The following WASF3 variants were observed in gnomAD, a reference collection of about 807,000 sequenced individuals.
WASF3 encodes WASP family member 3.
WASF3 carries 11 observed loss-of-function variants against 46.6 expected under a neutral mutation model. The ratio of observed to expected loss-of-function variants is 0.24; its 90% confidence interval spans 0.15 to 0.39. WASF3 has a LOEUF of 0.39. Among genes scored for constraint, WASF3 ranks in the 10% least tolerant of loss-of-function variants. The probability of loss-of-function intolerance (pLI) is 1.00; values close to 1 mark genes in which losing one functional copy is unlikely to be tolerated. For missense variants in WASF3, 576 were observed against 669.8 expected, an observed-to-expected ratio of 0.86 and a Z score of 1.55; for synonymous variants, 242 against 259.7, an observed-to-expected ratio of 0.93 and a Z score of 0.65.
At chr13:26,553,790 C>T (rs1248684372), upstream of WASF3, among the ~76,000 whole-genome samples, 1 of 149,398 alleles carries the variant, frequency 6.7e-6, no homozygotes, top group African/African-American at 2.5e-5. Context: ...GCACTCCAGC[C>T]TGGGCGACAG....
intron 4 of WASF3, among the ~76,000 whole-genome samples, chr13:26,666,202 G>A (rs907144519): frequency 6.6e-6 from 1 of 152,124 alleles, no homozygotes; most frequent in Non-Finnish European, 1.5e-5. Flanking sequence ...ATAAGTATTA[G>A]TTGGTCTGTT....
At chr13:26,565,828 C>T (rs188405560) in intron 1 of WASF3, among the ~76,000 whole-genome samples, 34 of 152,296 alleles carry the variant, frequency 2.2e-4, no homozygotes, top group African/African-American at 7.5e-4. Context: ...GATGCCTGAG[C>T]TATAATTGAA....
At chr13:26,544,268 C>G in the WASF3 span, among the ~76,000 whole-genome samples, 2 of 152,154 alleles carry the variant, frequency 1.3e-5, no homozygotes, top group Non-Finnish European at 2.9e-5. Context: ...AGTGAATCAT[C>G]ATTGTTTTTT....
In WASF3 at chr13:26,594,455, C is replaced by A. The variant is rs74040616; in HGVS notation, c.-108-18506C>A. ...TTGTGGGAGTGATCGTCAGTTCCTC[C>A]GTTTCCTCTTGATCCTCAGCTAACT... On this transcript the variant is annotated intron_variant, in intron 1 of 9. Transcript: ENST00000335327. Among the ~76,000 whole-genome samples the A allele has an allele frequency of 1.8e-3, 280 of 152,292 alleles. 1 individual carries two copies. The highest frequency in any genetic ancestry group is 2.4e-3 in the Non-Finnish European group (163 of 68,030).
At chr13:26,630,449 G>C (rs139400667) in intron 2 of WASF3, among the ~76,000 whole-genome samples, 1 of 152,256 alleles carries the variant, frequency 6.6e-6, no homozygotes, top group East Asian at 1.9e-4. Context: ...TGAGAAGGAT[G>C]GTTTCTGGCT....
chr13:26,664,315 T>C (rs1323129709), intron 3 of WASF3, among the ~76,000 whole-genome samples: 1 of 152,258 alleles, frequency 6.6e-6, no homozygotes, highest in Non-Finnish European at 1.5e-5. Flanking sequence ...AGCTATTTAA[T>C]ATTTGTTGCA....
the WASF3 span, among the ~76,000 whole-genome samples, chr13:26,549,359 T>G: frequency 6.6e-6 from 1 of 152,134 alleles, no homozygotes; most frequent in Non-Finnish European, 1.5e-5. Context: ...TGCTGTGGGG[T>G]TCTCCTTAAT....
At chr13:26,629,028 C>T (rs1302937139) in intron 2 of WASF3, among the ~76,000 whole-genome samples, 3 of 152,168 alleles carry the variant, frequency 2.0e-5, no homozygotes, top group South Asian at 4.1e-4. Context: ...GGGATGGACC[C>T]GCGTTGGGTG....
At chr13:26,576,332 T>C (rs990194101) in intron 1 of WASF3, among the ~76,000 whole-genome samples, 1 of 152,050 alleles carries the variant, frequency 6.6e-6, no homozygotes, top group Admixed American at 6.6e-5. Context: ...ATTACTTTCT[T>C]TTTTTTTCCT....
intron 1 of WASF3, among the ~76,000 whole-genome samples, chr13:26,565,708 A>G (rs1879443921): frequency 6.6e-6 from 1 of 152,180 alleles, no homozygotes; most frequent in African/African-American, 2.4e-5. Context: ...TAGAATGTGA[A>G]TTGTTCTTTG....
rs1883215026 is a variant in WASF3 at position 26,681,142 on chromosome 13, G to A, written c.805G>A (p.Ala269Thr). The A allele has an allele frequency of 6.2e-7, 1 of 1,614,048 alleles. No homozygotes were observed. The highest frequency in any genetic ancestry group is 1.3e-5 in the African/African-American group (1 of 74,928). The change falls in exon 8 of 10, where the codon GCT becomes ACT. Residue 269 changes from alanine to threonine, a missense_variant. This residue lies in a region of WASF3 where 295 missense variants were observed against 291.5 expected (regional missense o/e 1.01). Coordinates refer to ENST00000335327, the MANE Select transcript of WASF3 (RefSeq NM_006646.6). ...HPQPVTPSYA[A>T]GDVPPHGPAS... ...CCAGCCTGTGACCCCTTCCTATGCA[G>A]CTGGTGACGTGCCACCACACGGGCC...
chr13:26,660,551 G>T (rs1882600105), intron 3 of WASF3, among the ~76,000 whole-genome samples: 1 of 152,088 alleles, frequency 6.6e-6, no homozygotes, highest in Non-Finnish European at 1.5e-5. Flanking sequence ...GGGCAGAATG[G>T]GGAAAGGGGC....
intron 2 of WASF3, among the ~76,000 whole-genome samples, chr13:26,623,085 T>A (rs907801759): frequency 6.6e-6 from 1 of 152,160 alleles, no homozygotes; most frequent in African/African-American, 2.4e-5. Context: ...TAGAAGTGCA[T>A]AAGAAGAATT....
intron 2 of WASF3, among the ~76,000 whole-genome samples, chr13:26,617,971 G>A (rs897134865): frequency 1.3e-5 from 2 of 152,072 alleles, no homozygotes; most frequent in East Asian, 3.9e-4. Context: ...TTTGCCCTCC[G>A]CCATGTTGGT....
chr13:26,685,810 G>C lies in WASF3; in HGVS notation c.1474G>C (p.Asp492His). The change falls in exon 10 of 10, where the codon GAC becomes CAC. Residue 492 changes from aspartate (D) to histidine (H), a missense_variant. Around this residue, in one of 3 missense-constraint regions of WASF3, gnomAD observed 68 missense variants for 100.3 expected, o/e 0.68. Coordinates refer to ENST00000335327, the MANE Select transcript of WASF3 (RefSeq NM_006646.6). ...CGTGGAGTACAGCGACTCTGACGAC[G>C]ACTCAGAGTTCGACGAGAACGACTG... is the stretch of plus-strand genomic sequence containing the variant. Reference protein sequence around the residue: ...IAVEYSDSDDDSEFDENDWSD With the variant: ...IAVEYSDSDDHSEFDENDWSD 1.2e-6 allele frequency: 2 copies of C among 1,614,016 alleles called. No individual in the cohort carries two copies. Among genetic ancestry groups the C allele is most frequent in the Non-Finnish European group, 1.7e-6 (2 of 1,179,866 alleles).
At chr13:26,610,894 A>G (rs1032815568) in intron 1 of WASF3, among the ~76,000 whole-genome samples, 2 of 152,210 alleles carry the variant, frequency 1.3e-5, no homozygotes, top group African/African-American at 4.8e-5. Context: ...CTACGTATTC[A>G]CAAAGTCTAG....
At chr13:26,543,865 C>A in the WASF3 span, among the ~76,000 whole-genome samples, 2 of 152,290 alleles carry the variant, frequency 1.3e-5, no homozygotes, top group Non-Finnish European at 2.9e-5. Flanking sequence ...CTGCAATAAT[C>A]AATATGTCAT....
chr13:26,550,345 C>T, the WASF3 span, among the ~76,000 whole-genome samples: 4 of 152,162 alleles, frequency 2.6e-5, no homozygotes, highest in Non-Finnish European at 5.9e-5. Flanking sequence ...TAACTCCCTT[C>T]GTTGTTTGTA....
At position 26,667,656 on chromosome 13, in the gene WASF3, C is replaced by T; in HGVS notation, c.408C>T (p.Ile136=). ...GTGATAAGCCACCGCCTCTGAACATCCTGACACCATACAGGTATAGCTTCA... is the reference window on the plus strand; with the variant it reads ...GTGATAAGCCACCGCCTCTGAACATTCTGACACCATACAGGTATAGCTTCA... ...NQSDKPPPLN[I]LTPYRDDKKD... is the part of the protein sequence containing the mutation. Residue 136 remains isoleucine (I), a synonymous_variant, in exon 5 of 10, where the codon ATC becomes ATT. Transcript: ENST00000335327. The T allele has an allele frequency of 6.2e-7, 1 of 1,614,026 alleles. No individual in the cohort carries two copies. The highest frequency in any genetic ancestry group is 8.5e-7 in the Non-Finnish European group (1 of 1,179,980).
Sources: gnomAD v4.1 joint callset for allele counts (sites outside exome capture counted in the v4.1 genomes callset) on GRCh38, gnomAD v4.1.1 for gene constraint, gnomAD v4.1.1 regional missense constraint, MANE v1.5 for transcripts, NCBI Gene and HGNC (gene_info 2026-07-23, HGNC 2026-07-21) for gene names.